RBMS3: variants seen among roughly 807,000 people sequenced by gnomAD.
The protein encoded by RBMS3 is RNA binding motif single stranded interacting protein 3.
In RBMS3, 27 loss-of-function variants were observed where a neutral mutation model predicts 66.8. The ratio of observed to expected loss-of-function variants is 0.40; its 90% confidence interval spans 0.30 to 0.56. RBMS3 has a LOEUF of 0.56. RBMS3 is among the 20% of genes least tolerant of loss of function. The pLI is 0.40. For synonymous variants in RBMS3, 188 were observed against 183.0 expected, an observed-to-expected ratio of 1.03 and a Z score of -0.22; for missense variants, 513 against 549.5, an observed-to-expected ratio of 0.93 and a Z score of 0.66.
At chr3:29,514,130 A>T (rs2044519903) in intron 3 of RBMS3, among the ~76,000 whole-genome samples, 1 of 152,190 alleles carries the variant, frequency 6.6e-6, no homozygotes, top group African/African-American at 2.4e-5. Flanking sequence ...GATTGGTAAA[A>T]CATAGAGTAT....
In RBMS3 at chr3:30,006,288, A is replaced by T. The variant is rs1246582796; in HGVS notation, c.*2426A>T. On this transcript the variant is annotated 3_prime_UTR_variant, in exon 15 of 15. Transcript: ENST00000383767. The stretch of plus-strand genomic sequence containing the variant: ...GAGTAATAAGGTTGACTCATGTGAA[A>T]TTGTCAATATTCTACTATTTCTGTA... The T allele has an allele frequency of 6.6e-6, 1 of 151,854 alleles. No homozygotes were observed. Among genetic ancestry groups the T allele is most frequent in the Admixed American group, 6.6e-5 (1 of 15,216 alleles). 9.4% of individuals were successfully genotyped at this position (151,854 alleles called of 1,614,324 possible).
intron 1 of RBMS3, among the ~76,000 whole-genome samples, chr3:29,338,133 T>C (rs1339978826): frequency 6.6e-6 from 1 of 152,158 alleles, no homozygotes; most frequent in African/African-American, 2.4e-5. Context: ...GTGCTGTTTC[T>C]TCTGTGTTGT....
intron 1 of RBMS3, among the ~76,000 whole-genome samples, chr3:29,415,584 G>A (rs189666904): frequency 6.6e-6 from 1 of 152,232 alleles, no homozygotes. Flanking sequence ...GGCTGCATGT[G>A]GGATAGATTA....
intron 4 of RBMS3, among the ~76,000 whole-genome samples, chr3:29,735,225 G>T (rs1173116280): frequency 1.3e-5 from 2 of 152,044 alleles, no homozygotes; most frequent in African/African-American, 2.4e-5. Context: ...GTCTTAAACT[G>T]CTCAAAAGCA....
intron 6 of RBMS3, among the ~76,000 whole-genome samples, chr3:29,795,025 T>C (rs1319602462): frequency 3.9e-5 from 6 of 152,252 alleles, no homozygotes; most frequent in Non-Finnish European, 8.8e-5. Context: ...TTTTTAATTT[T>C]GTTATTACCA....
chr3:29,738,569 G>A (rs1042004450), intron 4 of RBMS3, among the ~76,000 whole-genome samples: 1 of 152,182 alleles, frequency 6.6e-6, no homozygotes, highest in Admixed American at 6.5e-5. Flanking sequence ...CATTATTGGT[G>A]CTGAATTAGG....
At chr3:29,398,407 G>C (rs1225641692) in intron 1 of RBMS3, among the ~76,000 whole-genome samples, 3 of 152,058 alleles carry the variant, frequency 2.0e-5, no homozygotes, top group Non-Finnish European at 4.4e-5. Flanking sequence ...TTTTCTCTCT[G>C]GTCATCAGGA....
chr3:29,403,369 A>T (rs922550555), intron 1 of RBMS3, among the ~76,000 whole-genome samples: 1 of 152,072 alleles, frequency 6.6e-6, no homozygotes, highest in Non-Finnish European at 1.5e-5. Context: ...ACCTTATGTC[A>T]CTTTAAGTTG....
At chr3:29,302,275 G>A (rs909201198) in intron 1 of RBMS3, among the ~76,000 whole-genome samples, 4 of 152,104 alleles carry the variant, frequency 2.6e-5, no homozygotes, top group South Asian at 2.1e-4. Flanking sequence ...GCCTCCCAAA[G>A]TGCTGGGATT....
chr3:30,009,244 T>C lies in RBMS3; in HGVS notation c.*5382T>C, dbSNP rs1699890845. On this transcript the variant is annotated 3_prime_UTR_variant, in exon 15 of 15. Coordinates refer to ENST00000383767, the MANE Select transcript of RBMS3 (RefSeq NM_001003793.3). Reference sequence around the variant, plus strand: ...GGGCTAATTATCTACTTTGTGGGTGTGTTTTGTTTTTTCTTTTCAGCGTGT... The same window carrying C: ...GGGCTAATTATCTACTTTGTGGGTGCGTTTTGTTTTTTCTTTTCAGCGTGT... 1 of 152,112 alleles carries C rather than the reference T, an allele frequency of 6.6e-6. No homozygotes were observed. The highest frequency in any genetic ancestry group is 1.5e-5 in the Non-Finnish European group (1 of 67,988). 9.4% of individuals were successfully genotyped at this position (152,112 alleles called of 1,614,324 possible).
At position 29,388,901 on chromosome 3, in the gene RBMS3, T is replaced by C. The variant is rs1412088978; in HGVS notation, c.76-45842T>C. Among the ~76,000 whole-genome samples, 9 of 152,200 alleles carry C rather than the reference T, an allele frequency of 5.9e-5. 1 individual carries two copies. The highest frequency in any genetic ancestry group is 1.0e-4 in the Non-Finnish European group (7 of 68,032). ...GTTGCAATGAGATACTACTATTTTC[T>C]TACAGAAAGAGCTTGCAGACCTGAT... On this transcript the variant is annotated intron_variant, in intron 1 of 14. Transcript: ENST00000383767.
chr3:29,892,455 G>A (rs11916851), intron 8 of RBMS3, among the ~76,000 whole-genome samples: 5,023 of 151,372 alleles, frequency 0.033, 216 homozygotes, highest in African/African-American at 0.087. Flanking sequence ...ACTAGATGCC[G>A]GTAGCTCCCC....
chr3:29,918,428 C>T (rs2060691111), intron 10 of RBMS3, among the ~76,000 whole-genome samples: 1 of 152,038 alleles, frequency 6.6e-6, no homozygotes. Context: ...CAAATACTAT[C>T]ATAATTTAAT....
At chr3:29,561,786 T>G (rs2046565581) in intron 3 of RBMS3, among the ~76,000 whole-genome samples, 1 of 152,132 alleles carries the variant, frequency 6.6e-6, no homozygotes, top group South Asian at 2.1e-4. Flanking sequence ...TGACTGGTAT[T>G]AGATGGTGTG....
intron 1 of RBMS3, among the ~76,000 whole-genome samples, chr3:29,377,114 G>GA (rs1218776344): frequency 6.6e-6 from 1 of 151,086 alleles, no homozygotes; most frequent in Non-Finnish European, 1.5e-5. Context: ...GAAAAGCAAA[G>GA]AAAGAAAAGG....
At chr3:29,552,648 T>A (rs2046214951) in intron 3 of RBMS3, among the ~76,000 whole-genome samples, 1 of 152,148 alleles carries the variant, frequency 6.6e-6, no homozygotes, top group Non-Finnish European at 1.5e-5. Flanking sequence ...TCACAACTTT[T>A]ATTGGATATT....
chr3:29,425,965 T>A (rs899245602), intron 1 of RBMS3, among the ~76,000 whole-genome samples: 1 of 152,226 alleles, frequency 6.6e-6, no homozygotes, highest in Admixed American at 6.5e-5. Flanking sequence ...TCACTTTCAG[T>A]ATTTCTGGAG....
At chr3:29,360,279 T>C (rs1005564147) in intron 1 of RBMS3, among the ~76,000 whole-genome samples, 1 of 152,058 alleles carries the variant, frequency 6.6e-6, no homozygotes, top group African/African-American at 2.4e-5. Flanking sequence ...AGAATATCTT[T>C]ATTTCTGCCT....
intron 7 of RBMS3, 135 bp from the exon 8 acceptor site, chr3:29,884,027 A>G (rs2218724): frequency 0.35 from 243,292 of 698,810 alleles, 44,214 homozygotes; most frequent in African/African-American, 0.51. Flanking sequence ...GGCAGTAAGC[A>G]TAGAGATATA....
Sources: gnomAD v4.1 joint callset for allele counts (sites outside exome capture counted in the v4.1 genomes callset) on GRCh38, gnomAD v4.1.1 for gene constraint, MANE v1.5 for transcripts, NCBI Gene and HGNC (gene_info 2026-07-23, HGNC 2026-07-21) for gene names.